The following BLTP1 variants were observed in gnomAD, a reference collection of about 807,000 sequenced individuals.
BLTP1 encodes bridge-like lipid transfer protein family member 1.
At chr4:122,320,660 A>G in the BLTP1 span, among the ~76,000 whole-genome samples, 1 of 152,046 alleles carries the variant, frequency 6.6e-6, no homozygotes, top group Non-Finnish European at 1.5e-5. Context: ...TATACTTTTA[A>G]TCTATGTGTC....
chr4:122,186,059 TAC>T, the BLTP1 span: 1 of 1,600,306 alleles, frequency 6.2e-7, no homozygotes, highest in Non-Finnish European at 8.5e-7. Flanking sequence ...AACCAGGTTA[TAC>T]ATCACAGTCA....
the BLTP1 span, chr4:122,227,450 C>T: frequency 2.0e-6 from 2 of 985,156 alleles, no homozygotes; most frequent in Non-Finnish European, 2.4e-6. Context: ...GGGAGGGAGG[C>T]ATTTTCTTCC....
chr4:122,298,634 T>TTTAA, the BLTP1 span: 2 of 79,334 alleles, frequency 2.5e-5, no homozygotes, highest in Non-Finnish European at 3.0e-5. Context: ...GGGTAAAAAT[T>TTTAA]TTACTTACTT....
At chr4:122,348,989 C>A in the BLTP1 span, 1 of 598,648 alleles carries the variant, frequency 1.7e-6, no homozygotes, top group Non-Finnish European at 2.7e-6. Flanking sequence ...GCTTCATTAT[C>A]AATGTTAATA....
chr4:122,224,369 G>T, the BLTP1 span: 1 of 1,010,992 alleles, frequency 9.9e-7, no homozygotes, highest in Non-Finnish European at 1.4e-6. Flanking sequence ...TTAGGAGCTT[G>T]TGGATTCTGA....
At chr4:122,350,320 G>A in the BLTP1 span, 53 of 985,082 alleles carry the variant, frequency 5.4e-5, no homozygotes, top group African/African-American at 8.7e-5. Context: ...CCCACTCCAC[G>A]CTCTTGAATA....
chr4:122,215,116 T>A, the BLTP1 span, among the ~76,000 whole-genome samples: 36 of 152,364 alleles, frequency 2.4e-4, no homozygotes, highest in South Asian at 7.2e-3. Flanking sequence ...TTATAACTCC[T>A]TTAGAGCAAA....
chr4:122,186,172 T>C, the BLTP1 span: 23 of 1,612,556 alleles, frequency 1.4e-5, no homozygotes, highest in Non-Finnish European at 1.9e-5. Flanking sequence ...AGAAAGATGA[T>C]GATAAAACAC....
At chr4:122,305,035 T>G in the BLTP1 span, 1 of 1,517,004 alleles carries the variant, frequency 6.6e-7, no homozygotes. Context: ...ATTTTGCACA[T>G]CAATTTTAAC....
the BLTP1 span, chr4:122,348,512 G>GT: frequency 6.9e-7 from 1 of 1,451,536 alleles, no homozygotes; most frequent in Non-Finnish European, 9.2e-7. Flanking sequence ...TTTTTGCTTT[G>GT]TAACTAGCTT....
chr4:122,203,261 A>G, the BLTP1 span, among the ~76,000 whole-genome samples: 90 of 152,024 alleles, frequency 5.9e-4, no homozygotes, highest in Non-Finnish European at 1.0e-3. Flanking sequence ...AGAGATTTCA[A>G]TGTGGGACAA....
chr4:122,309,083 A>C, the BLTP1 span: 7 of 335,894 alleles, frequency 2.1e-5, no homozygotes, highest in Admixed American at 4.5e-4. Context: ...AAAAAAATGC[A>C]CATGGCAAGT....
the BLTP1 span, chr4:122,187,892 T>A: frequency 1.9e-6 from 3 of 1,562,892 alleles, no homozygotes; most frequent in South Asian, 1.2e-5. Flanking sequence ...TTTTTTTTTT[T>A]AGGGACGTTT....
At chr4:122,209,924 T>A in the BLTP1 span, 1 of 1,612,046 alleles carries the variant, frequency 6.2e-7, no homozygotes, top group Non-Finnish European at 8.5e-7. Context: ...GAAACAATCA[T>A]GTAAGTGTTT....
the BLTP1 span, among the ~76,000 whole-genome samples, chr4:122,171,316 G>A: frequency 6.6e-6 from 1 of 152,202 alleles, no homozygotes; most frequent in South Asian, 2.1e-4. Flanking sequence ...ATGAATGAGA[G>A]GGAGAAATAC....
the BLTP1 span, chr4:122,224,468 AT>A: frequency 6.3e-7 from 1 of 1,590,528 alleles, no homozygotes; most frequent in Non-Finnish European, 8.6e-7. Flanking sequence ...TTTCTTATAC[AT>A]TTTACAGTCT....
At chr4:122,355,025 T>C in the BLTP1 span, among the ~76,000 whole-genome samples, 3 of 152,096 alleles carry the variant, frequency 2.0e-5, no homozygotes, top group Non-Finnish European at 4.4e-5. Context: ...TACCATGGAA[T>C]AGGCCATCTC....
chr4:122,345,647 G>A, the BLTP1 span, among the ~76,000 whole-genome samples: 3 of 151,824 alleles, frequency 2.0e-5, no homozygotes, highest in South Asian at 2.1e-4. Flanking sequence ...TGATTATTTC[G>A]GCACTGAGAA....
At chr4:122,361,291 C>T in the BLTP1 span, among the ~76,000 whole-genome samples, 1 of 152,098 alleles carries the variant, frequency 6.6e-6, no homozygotes, top group African/African-American at 2.4e-5. Flanking sequence ...CGGGTTTGGT[C>T]CTACCTGCAG....
Sources: allele counts gnomAD v4.1 joint callset (sites outside exome capture counted in the v4.1 genomes callset), GRCh38; gene constraint gnomAD v4.1.1; transcripts MANE v1.5; gene names NCBI Gene and HGNC (gene_info 2026-07-23, HGNC 2026-07-21).